HSPA8: variants seen among roughly 807,000 people sequenced by gnomAD.
HSPA8 encodes heat shock protein family A (Hsp70) member 8.
In HSPA8, 2 loss-of-function variants were observed where a neutral mutation model predicts 52.8. The observed-to-expected ratio is 0.04, with a 90% CI of 0.02 to 0.12. The LOEUF is 0.12. Among genes scored for constraint, HSPA8 ranks in the 10% least tolerant of loss-of-function variants. HSPA8 has a pLI of 1.00. For missense variants in HSPA8, 349 were observed against 800.5 expected (o/e 0.44, Z 6.81); for synonymous variants, 436 against 274.0 (o/e 1.59, Z -5.84).
chr11:123,060,564 T>C (rs759915015), intron 3 of HSPA8, 29 bp downstream of exon 3: 2 of 1,529,582 alleles, frequency 1.3e-6, no homozygotes, highest in Non-Finnish European at 1.8e-6. Flanking sequence ...TACTCCGGAA[T>C]GCACCCCATA....
At chr11:123,061,499 G>A (rs1409800359) in intron 1 of HSPA8, 170 bp from the exon 2 acceptor site, 5 of 619,488 alleles carry the variant, frequency 8.1e-6, no homozygotes, top group African/African-American at 1.8e-5. Context: ...TGCAGTCCAG[G>A]TTGCCGTGCC....
intron 7 of HSPA8, 41 bp downstream of exon 7, chr11:123,058,591 A>T: frequency 6.3e-7 from 1 of 1,584,646 alleles, no homozygotes; most frequent in Non-Finnish European, 8.7e-7. Context: ...CAATTGAAAT[A>T]CCATTATCCC....
Position 123,061,101 on chromosome 11 carries a change from T to C in HSPA8, c.205+19A>G, listed in dbSNP as rs1200528064. Reference sequence around the variant, plus strand: ...TAGCCCTGTTATATTTGTTCTGTCATTTAAAATTAGGAACTCACCAAAAAC... The same window carrying C: ...TAGCCCTGTTATATTTGTTCTGTCACTTAAAATTAGGAACTCACCAAAAAC... On this transcript the variant is annotated intron_variant, in intron 2 of 8. Transcript: ENST00000534624. 6.2e-7 allele frequency: 1 copy of C among 1,603,832 alleles called. No homozygotes were observed. The highest frequency in any genetic ancestry group is 8.5e-7 in the Non-Finnish European group (1 of 1,170,818).
In HSPA8 at chr11:123,058,874, T is replaced by C. The variant is rs566577895; in HGVS notation, c.1324-44A>G. 3.7e-5 allele frequency: 58 copies of C among 1,569,292 alleles called. No individual in the cohort carries two copies. In the East Asian group the frequency reaches 1.1e-3, roughly 28 times the overall value. ...AAATTACTACAATGGACTCCAGGTC[T>C]GTGACAGTGCTAGGGTCCTGCTAAG... is the stretch of plus-strand genomic sequence containing the variant. On this transcript the variant is annotated intron_variant, in intron 6 of 8. Coordinates refer to ENST00000534624, the MANE Select transcript of HSPA8 (RefSeq NM_006597.6).
At chr11:123,062,395 C>T (rs547226301), upstream of HSPA8, 421 of 152,596 alleles carry the variant, frequency 2.8e-3, no homozygotes, top group Non-Finnish European at 4.5e-3. Context: ...CGGACGGCCC[C>T]GGGGAAAGGG....
chr11:123,059,348 C>CGT, intron 5 of HSPA8, 87 bp from the exon 6 acceptor site: 9 of 1,384,978 alleles, frequency 6.5e-6, no homozygotes, highest in Non-Finnish European at 9.1e-6. Context: ...CTCAGACATC[C>CGT]AAGGAAGGTG....
At chr11:123,058,040 AT>A in intron 8 of HSPA8, 121 bp from the exon 9 acceptor site, 1 of 799,630 alleles carries the variant, frequency 1.3e-6, no homozygotes, top group South Asian at 1.8e-5. Flanking sequence ...CACTACCAAC[AT>A]TAAAATAGGG....
intron 1 of HSPA8, 188 bp from the exon 2 acceptor site, chr11:123,061,517 G>T: frequency 1.7e-6 from 1 of 605,996 alleles, no homozygotes; most frequent in Non-Finnish European, 2.9e-6. Flanking sequence ...GCCAACCGCA[G>T]CAGAGCACGC....
chr11:123,058,200 C>T (rs1342155397), intron 8 of HSPA8, 52 bp downstream of exon 8: 28 of 1,140,128 alleles, frequency 2.5e-5, no homozygotes, highest in Non-Finnish European at 3.6e-5. Context: ...GTTTACCATC[C>T]CCTTCCCCTC....
chr11:123,060,297 G>GT (rs750827975), intron 3 of HSPA8, 29 bp from the exon 4 acceptor site: 4 of 1,606,162 alleles, frequency 2.5e-6, no homozygotes, highest in South Asian at 2.2e-5. Flanking sequence ...CCACAGATTG[G>GT]TAACTATTAT....
In HSPA8 at chr11:123,057,717, A is replaced by G. The variant is rs759613624; in HGVS notation, c.*17T>C. 6.3e-7 allele frequency: 1 copy of G among 1,591,402 alleles called. No individual in the cohort carries two copies. Among genetic ancestry groups the G allele is most frequent in the Non-Finnish European group, 8.5e-7 (1 of 1,169,984 alleles). On this transcript the variant is annotated 3_prime_UTR_variant, in exon 9 of 9. Transcript: ENST00000534624. ...TTTTAAATGTGTGGAACAATGCTAC[A>G]TCTACACTTGGTTGGCTTAATCAAC...
Position 123,059,044 on chromosome 11 carries a change from A to C in HSPA8, c.1323+15T>G. On this transcript the variant is annotated intron_variant, in intron 6 of 8. Coordinates refer to ENST00000534624, the MANE Select transcript of HSPA8 (RefSeq NM_006597.6). The stretch of plus-strand genomic sequence containing the variant: ...TGTTATCAGTAAGCCAAACAAGAGA[A>C]GTACAGAAACATACCTGAATAAGCA... 6.2e-7 allele frequency: 1 copy of C among 1,605,106 alleles called. No homozygotes were observed. Among genetic ancestry groups the C allele is most frequent in the Non-Finnish European group, 8.5e-7 (1 of 1,172,736 alleles).
chr11:123,060,296 G>GCATATAT (rs1351628606), intron 3 of HSPA8, 28 bp from the exon 4 acceptor site: 4 of 1,606,374 alleles, frequency 2.5e-6, no homozygotes, highest in Non-Finnish European at 2.6e-6. Context: ...ACCACAGATT[G>GCATATAT]GTAACTATTA....
rs959717215 is a variant in HSPA8, at chr11:123,058,107, A to G, written c.1755+145T>C. 5 of 717,394 alleles carry G rather than the reference A, an allele frequency of 7.0e-6. No homozygotes were observed. In the African/African-American group the frequency reaches 7.2e-5, roughly 10 times the overall value. 44.4% of individuals were successfully genotyped at this position (717,394 alleles called of 1,614,324 possible). On this transcript the variant is annotated intron_variant, in intron 8 of 8. Coordinates refer to ENST00000534624, the MANE Select transcript of HSPA8 (RefSeq NM_006597.6). The stretch of plus-strand genomic sequence containing the variant: ...CAGACATCCAAGGAAGGTAGTTGCC[A>G]ACACCTTGAATTCTGGTGGAAACCG...
At chr11:123,058,050 G>A (rs1865361578) in intron 8 of HSPA8, 131 bp from the exon 9 acceptor site, 2 of 766,868 alleles carry the variant, frequency 2.6e-6, no homozygotes, top group South Asian at 3.6e-5. Flanking sequence ...ATTAAAATAG[G>A]GCCTTATTCT....
rs767284605 is a variant in HSPA8 at position 123,058,819 on chromosome 11, G to T, written c.1335C>A (p.Gly445=). ...TGTTATCCTTTGTCATGGCACGCTCGCCTTCATAAACCTTGGTAGGAAATA... is the reference window on the plus strand; with the variant it reads ...TGTTATCCTTTGTCATGGCACGCTCTCCTTCATAAACCTTGGTAGGAAATA... ...QPGVLIQVYE[G]ERAMTKDNNL... The change falls in exon 7 of 9, where the codon GGC becomes GGA. Residue 445 remains glycine (G), a synonymous_variant. Transcript: ENST00000534624. 1.2e-6 allele frequency: 2 copies of T among 1,613,864 alleles called. No individual in the cohort carries two copies. Among genetic ancestry groups the T allele is most frequent in the Non-Finnish European group, 1.7e-6 (2 of 1,179,944 alleles).
Position 123,060,791 on chromosome 11 carries a change from T to C in HSPA8, c.213A>G (p.Lys71=), listed in dbSNP as rs776675548. 2 of 1,612,342 alleles carry C rather than the reference T, an allele frequency of 1.2e-6. No homozygotes were observed. Among genetic ancestry groups the C allele is most frequent in the Admixed American group, 3.3e-5 (2 of 59,846 alleles). Residue 71 remains lysine, a synonymous_variant, in exon 3 of 9, where the codon AAA becomes AAG. Transcript: ENST00000534624. ...MNPTNTVFDA[K]RLIGRRFDDA... ...CATCAAATCTGCGTCCAATCAGACG[T>C]TTGGCATCTGTAAAAGGTGTCAAAT...
chr11:123,058,243 A>G lies in HSPA8; in HGVS notation c.1755+9T>C. On this transcript the variant is annotated intron_variant, in intron 8 of 8. Coordinates refer to ENST00000534624, the MANE Select transcript of HSPA8 (RefSeq NM_006597.6). Reference sequence around the variant, plus strand: ...TGGGGGAGGAAAAAAAAAAAAAAAAAACACAAACCTGATTCTTATCAAGCC... The same window carrying G: ...TGGGGGAGGAAAAAAAAAAAAAAAAGACACAAACCTGATTCTTATCAAGCC... 2 of 1,510,630 alleles carry G rather than the reference A, an allele frequency of 1.3e-6. No homozygotes were observed. The highest frequency in any genetic ancestry group is 1.8e-6 in the Non-Finnish European group (2 of 1,102,918). The allele number at this position is 1,510,630 out of a possible 1,614,324, so 93.6% of individuals were successfully genotyped here.
At chr11:123,058,584 T>A (rs531181092) in intron 7 of HSPA8, 48 bp downstream of exon 7, 2 of 1,582,262 alleles carry the variant, frequency 1.3e-6, no homozygotes. Context: ...AGTAACTCAA[T>A]TGAAATACCA....
Sources: allele counts gnomAD v4.1 joint callset, GRCh38; gene constraint gnomAD v4.1.1; transcripts MANE v1.5; gene names NCBI Gene and HGNC (gene_info 2026-07-23, HGNC 2026-07-21).